The following DIPK1A variants were observed in gnomAD, a reference collection of about 807,000 sequenced individuals.
DIPK1A encodes family with sequence similarity 69 member A.
Under a neutral mutation model 40.8 loss-of-function variants are expected in DIPK1A, and 27 were observed. That is an observed-to-expected ratio of 0.66 (90% CI 0.49 to 0.91). DIPK1A has a LOEUF of 0.91. DIPK1A is among the 40% of genes least tolerant of loss of function. The probability of loss-of-function intolerance (pLI) is 0.00; values close to 1 mark genes in which losing one functional copy is unlikely to be tolerated. For missense variants in DIPK1A, 412 were observed against 505.7 expected, an observed-to-expected ratio of 0.81 and a Z score of 1.78; for synonymous variants, 166 against 171.3, an observed-to-expected ratio of 0.97 and a Z score of 0.24.
chr1:92,873,380 C>G (rs531496704), intron 2 of DIPK1A, among the ~76,000 whole-genome samples: 19 of 152,034 alleles, frequency 1.2e-4, no homozygotes, highest in Non-Finnish European at 2.6e-4. Flanking sequence ...TTTGGGAGGC[C>G]GAGGCAGGTG....
chr1:92,960,274 C>T (rs551866589), intron 1 of DIPK1A, among the ~76,000 whole-genome samples: 1 of 152,230 alleles, frequency 6.6e-6, no homozygotes. Flanking sequence ...ATGACTTACA[C>T]ATACAATTTT....
At position 92,926,167 on chromosome 1, in the gene DIPK1A, C is replaced by T. The variant is rs375407710; in HGVS notation, c.54+35209G>A. On this transcript the variant is annotated intron_variant, in intron 1 of 4. Transcript: ENST00000370310. ...ACTTAAATATTACATTTTAACACTTCTTCCTTTCTAATATGAACAATTAAA... is the reference window on the plus strand; with the variant it reads ...ACTTAAATATTACATTTTAACACTTTTTCCTTTCTAATATGAACAATTAAA... Among the ~76,000 whole-genome samples, 24 of 152,170 alleles carry T rather than the reference C, an allele frequency of 1.6e-4. No homozygotes were observed. The East Asian group carries it at 3.9e-3, about 24-fold the overall frequency.
chr1:92,833,877 G>A lies in DIPK1A; in HGVS notation c.475-843C>T, dbSNP rs923184566. The A allele has an allele frequency of 2.0e-5, 11 of 550,274 alleles. No individual in the cohort carries two copies. The South Asian group carries it at 2.0e-4, about 10-fold the overall frequency. 34.1% of individuals were successfully genotyped at this position (550,274 alleles called of 1,614,324 possible). ...CTCATGCCTGTAATCCCAGCACTTC[G>A]GGAAGATTGCTTGAGCCCAGGAGTT... On this transcript the variant is annotated intron_variant, in intron 4 of 4. Transcript: ENST00000615519.
At chr1:92,855,352 G>A (rs923135649) in intron 2 of DIPK1A, among the ~76,000 whole-genome samples, 1 of 151,634 alleles carries the variant, frequency 6.6e-6, no homozygotes, top group African/African-American at 2.4e-5. Flanking sequence ...ATAAATAATC[G>A]CTCAACTAAA....
intron 1 of DIPK1A, among the ~76,000 whole-genome samples, chr1:92,927,831 T>G (rs570913612): frequency 1.3e-5 from 2 of 152,364 alleles, no homozygotes; most frequent in South Asian, 4.1e-4. Context: ...TGTATGGATA[T>G]ACCACATTTT....
chr1:92,951,308 T>C (rs1033159265), intron 1 of DIPK1A, among the ~76,000 whole-genome samples: 6 of 152,160 alleles, frequency 3.9e-5, no homozygotes, highest in Non-Finnish European at 8.8e-5. Flanking sequence ...AACCATGAAA[T>C]GCAGGTGGCC....
chr1:92,855,128 A>T (rs1254949432), intron 2 of DIPK1A, among the ~76,000 whole-genome samples: 4 of 152,292 alleles, frequency 2.6e-5, no homozygotes, highest in African/African-American at 9.6e-5. Flanking sequence ...AAAACAAAAA[A>T]ACAAACATAT....
rs1310665090 is a variant in DIPK1A, at chr1:92,927,578, T to C, written c.54+33798A>G. Among the ~76,000 whole-genome samples, 3 of 152,148 alleles carry C rather than the reference T, an allele frequency of 2.0e-5. No homozygotes were observed. In the East Asian group the frequency reaches 5.8e-4, roughly 29 times the overall value. ...ACCACAATCAAATTATAGATCATTT[T>C]CATCCCCTTCAAAGAAACCCTGTAC... On this transcript the variant is annotated intron_variant, in intron 1 of 4. Coordinates refer to ENST00000370310, the MANE Select transcript of DIPK1A (RefSeq NM_001006605.5).
chr1:92,938,232 G>A lies in DIPK1A; in HGVS notation c.54+23144C>T, dbSNP rs533852005. Among the ~76,000 whole-genome samples the A allele has an allele frequency of 2.0e-5, 3 of 151,866 alleles. No homozygotes were observed. In the East Asian group the frequency reaches 5.8e-4, roughly 29 times the overall value. ...ACCTGTAGTCCCAGCTACTCAGGAG[G>A]CTGAGCCAGAAGAATTAGCCAGGCA... is the stretch of plus-strand genomic sequence containing the variant. On this transcript the variant is annotated intron_variant, in intron 1 of 4. Coordinates refer to ENST00000370310, the MANE Select transcript of DIPK1A (RefSeq NM_001006605.5).
intron 2 of DIPK1A, among the ~76,000 whole-genome samples, chr1:92,858,715 T>A (rs112995090): frequency 1.3e-5 from 2 of 152,322 alleles, no homozygotes; most frequent in African/African-American, 4.8e-5. Context: ...AAAGAGGCAG[T>A]TACAATGAGC....
Position 92,924,633 on chromosome 1 carries a change from G to C in DIPK1A, c.54+36743C>G, listed in dbSNP as rs182596293. Among the ~76,000 whole-genome samples the C allele has an allele frequency of 1.2e-4, 19 of 152,338 alleles. No individual in the cohort carries two copies. The East Asian group carries it at 3.1e-3, about 25-fold the overall frequency. ...AGTGAGAAGGTGGGTGGAAGAAGGG[G>C]TCAGCTGCTCGGTCCGGAGTAGGCT... On this transcript the variant is annotated intron_variant, in intron 1 of 4. Coordinates refer to ENST00000370310, the MANE Select transcript of DIPK1A (RefSeq NM_001006605.5).
intron 2 of DIPK1A, among the ~76,000 whole-genome samples, chr1:92,867,636 G>A (rs997517067): frequency 1.3e-5 from 2 of 152,106 alleles, no homozygotes; most frequent in Admixed American, 1.3e-4. Context: ...TTTCTGACTA[G>A]CTGGGATTAT....
intron 1 of DIPK1A, among the ~76,000 whole-genome samples, chr1:92,895,305 C>A (rs1296120893): frequency 1.3e-5 from 2 of 152,050 alleles, no homozygotes; most frequent in Non-Finnish European, 2.9e-5. Context: ...GCTTATCCAC[C>A]ATGATCAAGT....
chr1:92,902,923 G>A (rs188589769), intron 1 of DIPK1A, among the ~76,000 whole-genome samples: 1 of 152,298 alleles, frequency 6.6e-6, no homozygotes, highest in Non-Finnish European at 1.5e-5. Flanking sequence ...CGGCCATCTT[G>A]CTGATGTCAC....
chr1:92,873,727 T>C (rs912241597), intron 2 of DIPK1A, among the ~76,000 whole-genome samples: 1 of 152,196 alleles, frequency 6.6e-6, no homozygotes, highest in African/African-American at 2.4e-5. Flanking sequence ...TTATTTTATT[T>C]TTGAGATGAA....
chr1:92,953,600 A>T (rs1651726058), intron 1 of DIPK1A, among the ~76,000 whole-genome samples: 1 of 152,244 alleles, frequency 6.6e-6, no homozygotes, highest in Non-Finnish European at 1.5e-5. Context: ...TCCTGTCATA[A>T]TCTACATGGG....
chr1:92,837,782 T>C (rs1687186119), downstream of DIPK1A: 2 of 691,818 alleles, frequency 2.9e-6, no homozygotes, highest in Non-Finnish European at 5.1e-6. Context: ...ATCTTTTAGA[T>C]GCTCAAGTGT....
At chr1:92,903,507 T>C (rs1649498029) in intron 1 of DIPK1A, among the ~76,000 whole-genome samples, 1 of 152,220 alleles carries the variant, frequency 6.6e-6, no homozygotes, top group African/African-American at 2.4e-5. Context: ...AAGTACTAAC[T>C]CTGGTAAAAG....
intron 1 of DIPK1A, among the ~76,000 whole-genome samples, chr1:92,944,733 C>A (rs949860574): frequency 1.3e-5 from 2 of 152,080 alleles, no homozygotes; most frequent in African/African-American, 4.8e-5. Flanking sequence ...CCTGGGTTCA[C>A]GGGATTCTTC....
Sources: gnomAD v4.1 joint callset for allele counts (sites outside exome capture counted in the v4.1 genomes callset) on GRCh38, gnomAD v4.1.1 for gene constraint, MANE v1.5 for transcripts, NCBI Gene and HGNC (gene_info 2026-07-23, HGNC 2026-07-21) for gene names.